The following ZEB2 variants were observed in gnomAD, a reference collection of about 807,000 sequenced individuals.
ZEB2 encodes zinc finger E-box-binding homeobox 2.
A neutral mutation model predicts 99.9 loss-of-function variants in ZEB2; 6 were observed. That is an observed-to-expected ratio of 0.06 (90% confidence interval 0.03 to 0.12). The LOEUF is 0.12. Ranked by LOEUF, ZEB2 falls within the 10% of genes least tolerant of loss-of-function variation. The pLI is 1.00. For missense variants in ZEB2, 969 were observed against 1,502.8 expected, an observed-to-expected ratio of 0.64 and a Z score of 5.87; for synonymous variants, 517 against 542.5, an observed-to-expected ratio of 0.95 and a Z score of 0.65.
intron 4 of ZEB2, among the ~76,000 whole-genome samples, chr2:144,407,543 A>G (rs1033009939): frequency 6.6e-6 from 1 of 152,226 alleles, no homozygotes; most frequent in South Asian, 2.1e-4. Context: ...TGGATCATCA[A>G]AATAACATCA....
At chr2:144,433,453 A>G (rs1453782115) in intron 2 of ZEB2, among the ~76,000 whole-genome samples, 1 of 152,208 alleles carries the variant, frequency 6.6e-6, no homozygotes, top group Non-Finnish European at 1.5e-5. Context: ...TATGAAGGGC[A>G]TAAGAATTAC....
chr2:144,519,685 A>G (rs1705234007), intron 1 of ZEB2: 2 of 306,264 alleles, frequency 6.5e-6, no homozygotes, highest in South Asian at 2.9e-5. Context: ...GTACAGGGGA[A>G]ATTATTTGGG....
At chr2:144,488,238 T>C (rs962356582) in intron 2 of ZEB2, among the ~76,000 whole-genome samples, 10 of 152,208 alleles carry the variant, frequency 6.6e-5, no homozygotes, top group Admixed American at 6.5e-4. Flanking sequence ...TTGATCAAAC[T>C]GAACACTCAA....
At chr2:144,517,642 A>C (rs1244933223) in intron 1 of ZEB2, 1 of 685,198 alleles carries the variant, frequency 1.5e-6, no homozygotes, top group Non-Finnish European at 2.7e-6. Flanking sequence ...CGAGGGGATC[A>C]GAGAGACAAG....
intron 7 of ZEB2, among the ~76,000 whole-genome samples, chr2:144,400,775 C>T (rs1359178732): frequency 6.6e-6 from 1 of 152,146 alleles, no homozygotes; most frequent in African/African-American, 2.4e-5. Flanking sequence ...CTGTGATCCA[C>T]GGCCCTCAGG....
chr2:144,410,151 C>T (rs796543882), intron 4 of ZEB2, among the ~76,000 whole-genome samples: 29 of 152,094 alleles, frequency 1.9e-4, no homozygotes, highest in African/African-American at 6.5e-4. Context: ...CCTCGTGATC[C>T]ACCCACCTCG....
chr2:144,514,030 G>T, intron 2 of ZEB2: 1 of 775,042 alleles, frequency 1.3e-6, no homozygotes. Context: ...TCTGGGAAGA[G>T]ATTTCATCCT....
At chr2:144,407,770 A>G (rs534977450) in intron 4 of ZEB2, among the ~76,000 whole-genome samples, 6 of 152,326 alleles carry the variant, frequency 3.9e-5, no homozygotes, top group African/African-American at 1.4e-4. Context: ...GGGTTAAGAC[A>G]TGGTTTAAGT....
intron 2 of ZEB2, among the ~76,000 whole-genome samples, chr2:144,445,502 C>G (rs1703971587): frequency 6.6e-6 from 1 of 152,026 alleles, no homozygotes; most frequent in Admixed American, 6.6e-5. Flanking sequence ...TAATGAACAC[C>G]TTACCTGCTT....
chr2:144,477,267 A>G (rs1483918258), intron 2 of ZEB2, among the ~76,000 whole-genome samples: 7 of 152,268 alleles, frequency 4.6e-5, no homozygotes, highest in Non-Finnish European at 1.5e-5. Flanking sequence ...AAGATGATCA[A>G]GTATGAGTGT....
chr2:144,401,603 A>G (rs1054177640), intron 6 of ZEB2, among the ~76,000 whole-genome samples: 3 of 152,232 alleles, frequency 2.0e-5, no homozygotes, highest in Non-Finnish European at 4.4e-5. Context: ...TATAACTGTA[A>G]AGATATTTGT....
intron 8 of ZEB2, chr2:144,397,794 C>T: frequency 4.0e-6 from 1 of 251,774 alleles, no homozygotes; most frequent in Non-Finnish European, 7.9e-6. Context: ...GCACCCAGCA[C>T]TACACCCAGC....
intron 2 of ZEB2, among the ~76,000 whole-genome samples, chr2:144,470,932 T>G (rs1293176322): frequency 6.6e-6 from 1 of 152,088 alleles, no homozygotes; most frequent in Non-Finnish European, 1.5e-5. Flanking sequence ...CAATGAAAAA[T>G]TAGTATATCA....
intron 2 of ZEB2, among the ~76,000 whole-genome samples, chr2:144,444,472 A>G (rs1295310250): frequency 6.6e-6 from 1 of 152,200 alleles, no homozygotes; most frequent in East Asian, 1.9e-4. Flanking sequence ...ACTGTCATAA[A>G]ACTCTGTGTG....
intron 2 of ZEB2, chr2:144,512,198 T>A: frequency 1.6e-6 from 2 of 1,287,226 alleles, no homozygotes; most frequent in Non-Finnish European, 2.0e-6. Flanking sequence ...CCTCTCTCTG[T>A]GACAGGCACA....
intron 2 of ZEB2, among the ~76,000 whole-genome samples, chr2:144,489,968 T>C (rs1248000951): frequency 1.3e-5 from 2 of 152,236 alleles, no homozygotes; most frequent in Non-Finnish European, 2.9e-5. Flanking sequence ...TAACATGTTG[T>C]CAGAGAGAAA....
chr2:144,467,771 A>C (rs1240179014), intron 2 of ZEB2, among the ~76,000 whole-genome samples: 1 of 152,152 alleles, frequency 6.6e-6, no homozygotes, highest in Non-Finnish European at 1.5e-5. Context: ...TCAATTTCCC[A>C]CTTTGGTTGT....
Position 144,384,323 on chromosome 2 carries a change from TCTGA to T in ZEB2, c.*5124_*5127del, listed in dbSNP as rs1330224389. 1.3e-5 allele frequency: 2 copies of T among 152,140 alleles called. No individual in the cohort carries two copies. Among genetic ancestry groups the T allele is most frequent in the African/African-American group, 4.8e-5 (2 of 41,448 alleles). 9.4% of individuals were successfully genotyped at this position (152,140 alleles called of 1,614,324 possible). ...CATCATATTATCTCGGTGCCATTTC[TCTGA>T]CTAATTCCACATTTCAGATACAAAT... On this transcript the variant is annotated 3_prime_UTR_variant, in exon 10 of 10. Coordinates refer to ENST00000627532, the MANE Select transcript of ZEB2 (RefSeq NM_014795.4).
intron 2 of ZEB2, among the ~76,000 whole-genome samples, chr2:144,477,519 G>C (rs765249335): frequency 6.6e-6 from 1 of 152,186 alleles, no homozygotes; most frequent in Non-Finnish European, 1.5e-5. Context: ...GAAAGGAAAA[G>C]CTTGGGTACT....
Sources: allele counts gnomAD v4.1 joint callset (sites outside exome capture counted in the v4.1 genomes callset), GRCh38; gene constraint gnomAD v4.1.1; transcripts MANE v1.5; gene names NCBI Gene and HGNC (gene_info 2026-07-23, HGNC 2026-07-21).